Variants in AK7 observed in about 807,000 individuals in gnomAD.
AK7 encodes the protein adenylate kinase 7.
A neutral mutation model predicts 96.6 loss-of-function variants in AK7; 78 were observed. The observed-to-expected ratio is 0.81, with a 90% CI of 0.67 to 0.97. AK7 has a LOEUF of 0.97. Ranked by LOEUF, AK7 falls within the 50% of genes least tolerant of loss-of-function variation. The pLI is 0.00. For synonymous variants in AK7, 302 were observed against 317.2 expected (o/e 0.95, Z 0.51); for missense variants, 855 against 887.9 (o/e 0.96, Z 0.47).
At chr14:96,412,593 T>G (rs536807557) in intron 4 of AK7, among the ~76,000 whole-genome samples, 1 of 148,246 alleles carries the variant, frequency 6.7e-6, no homozygotes, top group Non-Finnish European at 1.5e-5. Context: ...TTTGAGACAG[T>G]CTTGCTATGT....
At chr14:96,474,606 C>G (rs887351199) in intron 14 of AK7, among the ~76,000 whole-genome samples, 12 of 151,900 alleles carry the variant, frequency 7.9e-5, no homozygotes, top group Non-Finnish European at 1.5e-4. Flanking sequence ...GCCTGGGCAA[C>G]AGAGCAAGAA....
In AK7 at chr14:96,449,883, A is replaced by G; in HGVS notation, c.948+4A>G. The G allele has an allele frequency of 6.5e-7, 1 of 1,549,596 alleles. No individual in the cohort carries two copies. Among genetic ancestry groups the G allele is most frequent in the Non-Finnish European group, 8.7e-7 (1 of 1,146,856 alleles). On this transcript the variant is annotated splice_donor_region_variant and intron_variant, in intron 9 of 17. Coordinates refer to ENST00000267584, the MANE Select transcript of AK7 (RefSeq NM_152327.5). ...ATACCTAACCAAGGACTTAACGGTT[A>G]GTATATGCGGTGTTTTTTTTTTTTT...
At chr14:96,458,284 A>G in intron 12 of AK7, 72 bp downstream of exon 12, 1 of 1,551,994 alleles carries the variant, frequency 6.4e-7, no homozygotes, top group Middle Eastern at 1.8e-4. Context: ...TGGTTATAAA[A>G]GACTGTTTAA....
At chr14:96,469,608 C>T (rs994457198) in intron 12 of AK7, among the ~76,000 whole-genome samples, 1 of 152,174 alleles carries the variant, frequency 6.6e-6, no homozygotes, top group Non-Finnish European at 1.5e-5. Context: ...TATTTGGCTT[C>T]ATTTCTTGGC....
rs773797960 is a variant in AK7 at position 96,420,834 on chromosome 14, G to T, written c.511G>T (p.Val171Phe). 2 of 1,610,980 alleles carry T rather than the reference G, an allele frequency of 1.2e-6. No homozygotes were observed. The highest frequency in any genetic ancestry group is 1.7e-6 in the Non-Finnish European group (2 of 1,177,518). The change falls in exon 5 of 18, where the codon GTT becomes TTT. Residue 171 changes from valine (V) to phenylalanine (F), a missense_variant. Coordinates refer to ENST00000267584, the MANE Select transcript of AK7 (RefSeq NM_152327.5). ...SKALDPEDSE[V>F]PFTEEDYRRR... is the part of the protein sequence containing the mutation. ...TTTCTTATAATAGGAGGATTCTGAG[G>T]TTCCATTCACTGAAGAAGATTATCG...
rs984353525 is a variant in AK7 at position 96,489,349 on chromosome 14, C to A, written c.*1006C>A. Reference sequence around the variant, plus strand: ...AGTCACGCTCCATTATTCCCTCCCCCCAGTTCCAGGCAACCACGAATCTGC... The same window carrying A: ...AGTCACGCTCCATTATTCCCTCCCCACAGTTCCAGGCAACCACGAATCTGC... On this transcript the variant is annotated 3_prime_UTR_variant, in exon 18 of 18. Coordinates refer to ENST00000267584, the MANE Select transcript of AK7 (RefSeq NM_152327.5). 2.6e-5 allele frequency: 4 copies of A among 152,188 alleles called. No individual in the cohort carries two copies. The highest frequency in any genetic ancestry group is 5.9e-5 in the Non-Finnish European group (4 of 68,060). The allele number at this position is 152,188 out of a possible 1,614,324, so 9.4% of individuals were successfully genotyped here.
At chr14:96,484,919 G>A (rs148567842) in intron 16 of AK7, among the ~76,000 whole-genome samples, 73 of 152,288 alleles carry the variant, frequency 4.8e-4, no homozygotes, top group Non-Finnish European at 9.3e-4. Context: ...GGAAAGAAGG[G>A]AGAAAGGAAG....
intron 6 of AK7, among the ~76,000 whole-genome samples, chr14:96,441,723 C>T (rs1892972457): frequency 6.6e-6 from 1 of 151,206 alleles, no homozygotes; most frequent in Non-Finnish European, 1.5e-5. Flanking sequence ...CCTAGCTTGA[C>T]TTTTCCCTTT....
chr14:96,440,840 A>G, intron 6 of AK7, among the ~76,000 whole-genome samples: 1 of 152,204 alleles, frequency 6.6e-6, no homozygotes, highest in Non-Finnish European at 1.5e-5. Context: ...GGTAGATATT[A>G]GAGAAAGAGG....
chr14:96,408,983 A>G (rs750693070), intron 4 of AK7, 42 bp downstream of exon 4: 11 of 1,593,452 alleles, frequency 6.9e-6, no homozygotes, highest in Non-Finnish European at 6.0e-6. Flanking sequence ...CATTTCAGCC[A>G]TAACACCTTG....
At chr14:96,467,850 T>G (rs1202864086) in intron 12 of AK7, among the ~76,000 whole-genome samples, 2 of 152,114 alleles carry the variant, frequency 1.3e-5, no homozygotes. Context: ...AATAACTGTA[T>G]GGATAATTCT....
chr14:96,455,581 C>G (rs1893851695), intron 10 of AK7, among the ~76,000 whole-genome samples: 1 of 152,162 alleles, frequency 6.6e-6, no homozygotes, highest in Admixed American at 6.5e-5. Context: ...CACACCAAAC[C>G]AGAAATTCTT....
At chr14:96,412,976 G>C (rs2140016661) in intron 4 of AK7, among the ~76,000 whole-genome samples, 2 of 152,294 alleles carry the variant, frequency 1.3e-5, no homozygotes, top group Middle Eastern at 3.4e-3. Flanking sequence ...TAAAAGATAA[G>C]CTCTGTCACT....
In AK7 at chr14:96,488,630, A is replaced by T; in HGVS notation, c.*287A>T. On this transcript the variant is annotated 3_prime_UTR_variant, in exon 18 of 18. Transcript: ENST00000267584. ...TCTAAATATACCGCTTCTGTACACT[A>T]ATGTTTATAGGTATTTATAGCATGA... 3.6e-6 allele frequency: 1 copy of T among 276,166 alleles called. No homozygotes were observed. Among genetic ancestry groups the T allele is most frequent in the Middle Eastern group, 1.1e-3 (1 of 898 alleles). The allele number at this position is 276,166 out of a possible 1,614,324, so 17.1% of individuals were successfully genotyped here. A position where few individuals can be genotyped will look rare whatever the true frequency, so the allele number is the denominator to read the frequency against.
chr14:96,429,049 C>G (rs1220455461), intron 5 of AK7, among the ~76,000 whole-genome samples: 2 of 152,114 alleles, frequency 1.3e-5, no homozygotes, highest in East Asian at 3.8e-4. Flanking sequence ...ATGCCTCTGT[C>G]CTGAATGGTA....
intron 2 of AK7, among the ~76,000 whole-genome samples, chr14:96,402,937 C>T (rs370367287): frequency 5.3e-5 from 8 of 151,808 alleles, no homozygotes; most frequent in Non-Finnish European, 1.0e-4. Flanking sequence ...AAGACCAACC[C>T]GGCCAACATT....
intron 2 of AK7, among the ~76,000 whole-genome samples, chr14:96,403,060 G>A (rs1890507979): frequency 1.3e-5 from 2 of 151,692 alleles, no homozygotes; most frequent in Non-Finnish European, 2.9e-5. Flanking sequence ...AGGTTGCAGT[G>A]AGCTGAGATT....
At chr14:96,481,325 G>T (rs1408744827) in intron 15 of AK7, among the ~76,000 whole-genome samples, 2 of 151,992 alleles carry the variant, frequency 1.3e-5, no homozygotes, top group Non-Finnish European at 2.9e-5. Context: ...AGGGAGAAAT[G>T]CATTTATTTA....
chr14:96,482,932 G>A lies in AK7; in HGVS notation c.1754-67G>A, dbSNP rs753372933. The A allele has an allele frequency of 5.3e-6, 8 of 1,499,506 alleles. No individual in the cohort carries two copies. The South Asian group carries it at 9.4e-5, about 18-fold the overall frequency. The allele number at this position is 1,499,506 out of a possible 1,614,324, so 92.9% of individuals were successfully genotyped here. A position where few individuals can be genotyped will look rare whatever the true frequency, so the allele number is the denominator to read the frequency against. ...ACTATCGCAAGTTTATAGTAATAAA[G>A]AATTTTCCCAATTGCAGGCAGGCCT... On this transcript the variant is annotated intron_variant, in intron 15 of 17. Transcript: ENST00000267584.
Sources: gnomAD v4.1 joint callset for allele counts (sites outside exome capture counted in the v4.1 genomes callset) on GRCh38, gnomAD v4.1.1 for gene constraint, MANE v1.5 for transcripts, NCBI Gene and HGNC (gene_info 2026-07-23, HGNC 2026-07-21) for gene names.